BORCS5: variants seen among roughly 807,000 people sequenced by gnomAD.
BORCS5 encodes BLOC-1 related complex subunit 5, also known as BLOC-1-related complex subunit 5.
BORCS5 carries 17 observed loss-of-function variants against 22.1 expected under a neutral mutation model. The observed-to-expected ratio is 0.77, with a 90% CI of 0.53 to 1.15. The LOEUF (loss-of-function observed/expected upper bound fraction) is 1.15. Among genes scored for constraint, BORCS5 ranks in the 50% most tolerant of loss-of-function variants. The probability of loss-of-function intolerance (pLI) is 0.00; values close to 1 mark genes in which losing one functional copy is unlikely to be tolerated. For synonymous variants in BORCS5, 117 were observed against 99.8 expected (o/e 1.17, Z -1.03); for missense variants, 247 against 253.2 (o/e 0.98, Z 0.17).
chr12:12,444,309 T>C (rs1187566555), intron 3 of BORCS5, among the ~76,000 whole-genome samples: 2 of 152,174 alleles, frequency 1.3e-5, no homozygotes, highest in East Asian at 3.8e-4. Flanking sequence ...TATTTGTTGC[T>C]CTTGTTCAAG....
At chr12:12,449,213 G>A (rs1942855645) in intron 3 of BORCS5, among the ~76,000 whole-genome samples, 2 of 151,968 alleles carry the variant, frequency 1.3e-5, no homozygotes, top group Non-Finnish European at 2.9e-5. Context: ...AGGGAGCCTC[G>A]AATTAGTCAG....
At chr12:12,381,024 T>G (rs1156271423) in intron 2 of BORCS5, among the ~76,000 whole-genome samples, 1 of 148,748 alleles carries the variant, frequency 6.7e-6, no homozygotes, top group Admixed American at 6.7e-5. Context: ...TTTTTTTTTT[T>G]TTTTTGAGAC....
intron 2 of BORCS5, among the ~76,000 whole-genome samples, chr12:12,418,938 T>C (rs908020545): frequency 6.6e-6 from 1 of 152,170 alleles, no homozygotes; most frequent in African/African-American, 2.4e-5. Flanking sequence ...TAGCTTTTTT[T>C]TGTTTGTCAT....
intron 2 of BORCS5, among the ~76,000 whole-genome samples, chr12:12,408,719 G>C (rs1291748965): frequency 1.3e-5 from 2 of 152,090 alleles, no homozygotes; most frequent in Admixed American, 1.3e-4. Flanking sequence ...TTGTTGCATA[G>C]GTCAGAATTT....
intron 3 of BORCS5, among the ~76,000 whole-genome samples, chr12:12,464,086 G>A (rs1344773979): frequency 6.6e-6 from 1 of 152,160 alleles, no homozygotes; most frequent in East Asian, 1.9e-4. Context: ...TGACTGTCAG[G>A]ACCACAGGAC....
intron 2 of BORCS5, among the ~76,000 whole-genome samples, chr12:12,376,391 G>A (rs1404037749): frequency 1.3e-5 from 2 of 151,656 alleles, no homozygotes; most frequent in East Asian, 1.9e-4. Context: ...CCGCCACCAC[G>A]CCCGGCTAAT....
chr12:12,446,565 G>C (rs1198057309), intron 3 of BORCS5, among the ~76,000 whole-genome samples: 2 of 152,228 alleles, frequency 1.3e-5, no homozygotes, highest in African/African-American at 2.4e-5. Flanking sequence ...GAGACTTGCA[G>C]ATCTATACTC....
intron 2 of BORCS5, among the ~76,000 whole-genome samples, chr12:12,414,698 C>CCG (rs1259203463): frequency 7.8e-6 from 1 of 127,658 alleles, no homozygotes; most frequent in Admixed American, 7.3e-5. Flanking sequence ...TGACCCCCCC[C>CCG]ACCTCCCTCC....
At chr12:12,444,760 TAAAA>T (rs905437570) in intron 3 of BORCS5, among the ~76,000 whole-genome samples, 8 of 151,424 alleles carry the variant, frequency 5.3e-5, no homozygotes, top group Admixed American at 2.6e-4. Flanking sequence ...AACAATAAGT[TAAAA>T]AAAAATCAAG....
At chr12:12,377,857 T>C (rs889465992) in intron 2 of BORCS5, among the ~76,000 whole-genome samples, 4 of 152,076 alleles carry the variant, frequency 2.6e-5, no homozygotes, top group East Asian at 1.9e-4. Flanking sequence ...GATAGGAAAA[T>C]GCAGGCAGTA....
chr12:12,432,713 A>G (rs1052646222), intron 2 of BORCS5, among the ~76,000 whole-genome samples: 2 of 152,248 alleles, frequency 1.3e-5, no homozygotes, highest in Non-Finnish European at 2.9e-5. Flanking sequence ...TTAACCATTG[A>G]TATATCAACA....
chr12:12,439,819 T>C (rs1229881771), intron 3 of BORCS5, among the ~76,000 whole-genome samples: 3 of 152,166 alleles, frequency 2.0e-5, no homozygotes, highest in Non-Finnish European at 4.4e-5. Flanking sequence ...CCGTCTTATC[T>C]CTGTTGGTGA....
chr12:12,384,797 T>G (rs1259033464), intron 2 of BORCS5, among the ~76,000 whole-genome samples: 2 of 151,340 alleles, frequency 1.3e-5, no homozygotes, highest in Non-Finnish European at 3.0e-5. Flanking sequence ...GACTTTGTTA[T>G]GCAGCTGCAG....
rs186913158 is a variant in BORCS5, at chr12:12,384,076, C to T, written c.202+22727C>T. 6.7e-4 allele frequency among the ~76,000 whole-genome samples: 102 copies of T among 151,168 alleles called. 2 individuals are homozygous for T. The highest frequency in any genetic ancestry group is 2.4e-3 in the African/African-American group (98 of 41,180). On this transcript the variant is annotated intron_variant, in intron 2 of 3. Transcript: ENST00000314565. ...AGTTGCCCCAGTGAATTTTTCATTT[C>T]CATTATTATACTTTTCAACTCCAAG...
At chr12:12,388,984 T>G (rs907736484) in intron 2 of BORCS5, among the ~76,000 whole-genome samples, 77 of 151,164 alleles carry the variant, frequency 5.1e-4, no homozygotes, top group Non-Finnish European at 8.9e-5. Flanking sequence ...TATCCCTACT[T>G]TTACTTTGGT....
chr12:12,425,798 C>T (rs1156324823), intron 2 of BORCS5, among the ~76,000 whole-genome samples: 1 of 152,164 alleles, frequency 6.6e-6, no homozygotes, highest in Non-Finnish European at 1.5e-5. Context: ...CTATTTCCTA[C>T]AGTGCTAGTA....
chr12:12,447,991 G>C (rs755576237), intron 3 of BORCS5, among the ~76,000 whole-genome samples: 5 of 152,096 alleles, frequency 3.3e-5, no homozygotes, highest in Admixed American at 6.5e-5. Flanking sequence ...TGCAGCTGTC[G>C]TTTTTACATG....
At chr12:12,389,438 A>T (rs1301388819) in intron 2 of BORCS5, among the ~76,000 whole-genome samples, 2 of 150,686 alleles carry the variant, frequency 1.3e-5, no homozygotes, top group African/African-American at 4.9e-5. Context: ...ACTCCCAGCC[A>T]AATAAATATA....
chr12:12,442,180 C>T (rs1942697161), intron 3 of BORCS5, among the ~76,000 whole-genome samples: 1 of 151,140 alleles, frequency 6.6e-6, no homozygotes, highest in African/African-American at 2.5e-5. Context: ...TGTCACTTCC[C>T]TGGGTCTTAC....
Sources: gnomAD v4.1 joint callset for allele counts (sites outside exome capture counted in the v4.1 genomes callset) on GRCh38, gnomAD v4.1.1 for gene constraint, MANE v1.5 for transcripts, NCBI Gene and HGNC (gene_info 2026-07-23, HGNC 2026-07-21) for gene names.